The following PFKM variants were observed in gnomAD, a reference collection of about 807,000 sequenced individuals.
The protein encoded by PFKM is ATP-dependent 6-phosphofructokinase, muscle type.
Under a neutral mutation model 95.5 loss-of-function variants are expected in PFKM, and 58 were observed. That is an observed-to-expected ratio of 0.61 (90% CI 0.49 to 0.76). PFKM has a LOEUF of 0.76. PFKM is among the 30% of genes least tolerant of loss of function. The pLI is 0.00. For synonymous variants in PFKM, 336 were observed against 357.2 expected (o/e 0.94, Z 0.67); for missense variants, 678 against 1,005.4 (o/e 0.67, Z 4.40).
rs1950716329 is a variant in PFKM at position 48,143,085 on chromosome 12, A to C, written c.1818+139A>C. Reference sequence around the variant, plus strand: ...TCCTGTGAAGACCAGAAAGAGCACTATGCAGGCATTCTCTGGTGTCACCTC... The same window carrying C: ...TCCTGTGAAGACCAGAAAGAGCACTCTGCAGGCATTCTCTGGTGTCACCTC... On this transcript the variant is annotated intron_variant, in intron 18 of 22. Transcript: ENST00000359794. 22 of 811,190 alleles carry C rather than the reference A, an allele frequency of 2.7e-5. 1 individual carries two copies. The South Asian group carries it at 3.2e-4, about 12-fold the overall frequency. 50.2% of individuals were successfully genotyped at this position (811,190 alleles called of 1,614,324 possible).
In PFKM at chr12:48,108,320, C is replaced by G. The variant is rs1418621647; in HGVS notation, c.205+126C>G. The G allele has an allele frequency of 3.1e-5, 23 of 741,424 alleles. No homozygotes were observed. The East Asian group carries it at 6.1e-4, about 20-fold the overall frequency. 45.9% of individuals were successfully genotyped at this position (741,424 alleles called of 1,614,324 possible). A position where few individuals can be genotyped will look rare whatever the true frequency, so the allele number is the denominator to read the frequency against. On this transcript the variant is annotated intron_variant, in intron 3 of 24. Coordinates refer to the PFKM transcript ENST00000340802. ...AAATATAAGACCCAAGGGGGAAAGT[C>G]TGTGTGTGTGTGAAACAGAGAGAGA...
At chr12:48,107,643 C>T (rs1946808532) in intron 2 of PFKM, among the ~76,000 whole-genome samples, 2 of 152,022 alleles carry the variant, frequency 1.3e-5, no homozygotes, top group African/African-American at 4.8e-5. Context: ...AGATTTTGAC[C>T]TGGTTTGTTG....
At chr12:48,131,973 G>C (rs1209657926) in intron 4 of PFKM, 1 of 455,506 alleles carries the variant, frequency 2.2e-6, no homozygotes. Flanking sequence ...TCATTTGCTG[G>C]TTTACTGAAA....
chr12:48,125,276 A>C (rs1160094588), intron 2 of PFKM: 1 of 437,936 alleles, frequency 2.3e-6, no homozygotes. Context: ...GTCTCCAGAT[A>C]GCCAGCCATT....
chr12:48,145,843 T>G lies in PFKM; in HGVS notation c.*135T>G. The G allele has an allele frequency of 3.1e-6, 3 of 966,772 alleles. No individual in the cohort carries two copies. Among genetic ancestry groups the G allele is most frequent in the Non-Finnish European group, 3.2e-6 (2 of 629,406 alleles). 59.9% of individuals were successfully genotyped at this position (966,772 alleles called of 1,614,324 possible). A position where few individuals can be genotyped will look rare whatever the true frequency, so the allele number is the denominator to read the frequency against. On this transcript the variant is annotated 3_prime_UTR_variant, in exon 23 of 23. Transcript: ENST00000359794. The surrounding 1 kb of genome is among the most constrained non-coding windows in gnomAD (Gnocchi z 4.3). ...TTCTGTACCTTGCAGCCATGACCAG[T>G]TCTGGCCAGGAGCTGGAGGAGCAGG... is the stretch of plus-strand genomic sequence containing the variant.
chr12:48,115,401 G>A (rs1412554019), upstream of PFKM, among the ~76,000 whole-genome samples: 6 of 152,156 alleles, frequency 3.9e-5, no homozygotes, highest in Non-Finnish European at 5.9e-5. Context: ...TAGGATAGGC[G>A]GTGGAGTTAA....
intron 10 of PFKM, 107 bp downstream of exon 10, chr12:48,135,490 A>T: frequency 1.3e-6 from 1 of 762,134 alleles, no homozygotes. Flanking sequence ...CACTGGTCGC[A>T]TTGCCTCTCC....
At chr12:48,113,994 C>G (rs1048458903) in intron 3 of PFKM, among the ~76,000 whole-genome samples, 1 of 152,102 alleles carries the variant, frequency 6.6e-6, no homozygotes, top group Non-Finnish European at 1.5e-5. Flanking sequence ...TAATTAACAG[C>G]TTTGTAAGCT....
chr12:48,106,370 C>T (rs755024725), intron 1 of PFKM: 3 of 480,102 alleles, frequency 6.2e-6, no homozygotes, highest in Non-Finnish European at 1.1e-5. Context: ...TACCCGCCGC[C>T]TTCTGGTTCC....
rs1315594001 is a variant in PFKM, at chr12:48,141,836, C to T, written c.1500+9C>T. On this transcript the variant is annotated intron_variant, in intron 16 of 22. Coordinates refer to ENST00000359794, the MANE Select transcript of PFKM (RefSeq NM_000289.6). Reference sequence around the variant, plus strand: ...TCATTGGGGGCTTTGAGGTGAGTGCCTGCCACCATTTCTTCCTCTCTCCCT... The same window carrying T: ...TCATTGGGGGCTTTGAGGTGAGTGCTTGCCACCATTTCTTCCTCTCTCCCT... The T allele has an allele frequency of 6.2e-7, 1 of 1,613,230 alleles. No individual in the cohort carries two copies. The highest frequency in any genetic ancestry group is 1.1e-5 in the South Asian group (1 of 91,066).
intron 3 of PFKM, among the ~76,000 whole-genome samples, chr12:48,110,821 G>A (rs543235067): frequency 6.6e-6 from 1 of 152,274 alleles, no homozygotes; most frequent in East Asian, 1.9e-4. Context: ...GTACTATAAT[G>A]AGGCAGGCTG....
At chr12:48,131,435 T>G (rs745504565) in intron 4 of PFKM, 42 bp downstream of exon 4, 1 of 1,385,016 alleles carries the variant, frequency 7.2e-7, no homozygotes, top group South Asian at 1.2e-5. Flanking sequence ...TGCTCTGTCC[T>G]TGTTTCATCC....
chr12:48,131,645 A>G (rs369765031), intron 4 of PFKM: 1 of 524,966 alleles, frequency 1.9e-6, no homozygotes, highest in Non-Finnish European at 3.5e-6. Context: ...AAACAAGACT[A>G]TGGGGACTGA....
upstream of PFKM, chr12:48,118,667 A>G (rs1245404788): frequency 2.7e-6 from 2 of 746,944 alleles, no homozygotes; most frequent in Non-Finnish European, 4.6e-6. Flanking sequence ...AGCCCAATTT[A>G]TATGTTTGCT....
exon 1 of PFKM, chr12:48,106,129 A>G: frequency 1.4e-6 from 1 of 702,594 alleles, no homozygotes; most frequent in Non-Finnish European, 2.6e-6. Flanking sequence ...GCACCGGAAG[A>G]GTCGCTAGGT....
intron 2 of PFKM, among the ~76,000 whole-genome samples, chr12:48,125,094 A>G (rs1720651001): frequency 6.6e-6 from 1 of 152,164 alleles, no homozygotes; most frequent in Admixed American, 6.5e-5. Context: ...AGACATCCTG[A>G]GCTCAAAAAC....
rs370745910 is a variant in PFKM at position 48,145,802 on chromosome 12, A to G, written c.*94A>G. ...TCTCAGTGTTTTAGCTGTTTTTTTCATTAGGTTTCCTTTTATTCTGTACCT... is the reference window on the plus strand; with the variant it reads ...TCTCAGTGTTTTAGCTGTTTTTTTCGTTAGGTTTCCTTTTATTCTGTACCT... On this transcript the variant is annotated 3_prime_UTR_variant, in exon 23 of 23. Transcript: ENST00000359794. The surrounding 1 kb of genome is among the most constrained non-coding windows in gnomAD (Gnocchi z 4.3). 1.6e-5 allele frequency: 23 copies of G among 1,399,392 alleles called. No individual in the cohort carries two copies. The East Asian group carries it at 2.0e-4, about 12-fold the overall frequency. 86.7% of individuals were successfully genotyped at this position (1,399,392 alleles called of 1,614,324 possible). A position where few individuals can be genotyped will look rare whatever the true frequency, so the allele number is the denominator to read the frequency against.
Position 48,131,352 on chromosome 12 carries a change from A to G in PFKM, c.196A>G (p.Lys66Glu). 6.2e-7 allele frequency: 1 copy of G among 1,613,716 alleles called. No individual in the cohort carries two copies. Among genetic ancestry groups the G allele is most frequent in the South Asian group, 1.1e-5 (1 of 91,070 alleles). The change falls in exon 4 of 23, where the codon AAG becomes GAG. Residue 66 changes from lysine (K) to glutamate (E), a missense_variant. Lys to Glu is a moderately conservative substitution (Grantham distance 56). Coordinates refer to ENST00000359794, the MANE Select transcript of PFKM (RefSeq NM_000289.6). Reference sequence around the variant, plus strand: ...CCTGGTGGATGGTGGAGATCACATCAAGGAAGCCACCTGGGAGAGCGTTTC... The same window carrying G: ...CCTGGTGGATGGTGGAGATCACATCGAGGAAGCCACCTGGGAGAGCGTTTC... ...QGLVDGGDHI[K>E]EATWESVSMM...
chr12:48,110,450 T>G (rs1947081160), intron 3 of PFKM, among the ~76,000 whole-genome samples: 1 of 152,194 alleles, frequency 6.6e-6, no homozygotes, highest in Non-Finnish European at 1.5e-5. Context: ...TTATCTGCTC[T>G]AATGAGATGG....
Sources: gnomAD v4.1 joint callset for allele counts (sites outside exome capture counted in the v4.1 genomes callset) on GRCh38, gnomAD v4.1.1 for gene constraint, Gnocchi (gnomAD v3.1) non-coding constraint, MANE v1.5 for transcripts, NCBI Gene and HGNC (gene_info 2026-07-23, HGNC 2026-07-21) for gene names.